Variants in TTC6 observed in about 807,000 individuals in gnomAD.
The protein encoded by TTC6 is tetratricopeptide repeat domain 6.
Under a neutral mutation model 210.4 loss-of-function variants are expected in TTC6, and 172 were observed. The observed-to-expected ratio is 0.82, with a 90% CI of 0.72 to 0.93. The LOEUF (loss-of-function observed/expected upper bound fraction) is 0.93. Ranked by LOEUF, TTC6 falls within the 40% of genes least tolerant of loss-of-function variation. TTC6 has a pLI of 0.00. For missense variants in TTC6, 2,414 were observed against 2,318.1 expected, an observed-to-expected ratio of 1.04 and a Z score of -0.85; for synonymous variants, 804 against 819.6, an observed-to-expected ratio of 0.98 and a Z score of 0.32.
At chr14:37,733,384 A>G (rs1024740869) in intron 7 of TTC6, among the ~76,000 whole-genome samples, 5 of 152,074 alleles carry the variant, frequency 3.3e-5, no homozygotes, top group Non-Finnish European at 5.9e-5. Flanking sequence ...TGTATCCTAT[A>G]GAATTTGTTT....
At chr14:37,756,471 A>G (rs2139070084) in intron 14 of TTC6, among the ~76,000 whole-genome samples, 1 of 152,304 alleles carries the variant, frequency 6.6e-6, no homozygotes, top group South Asian at 2.1e-4. Flanking sequence ...TCTGTGTGAT[A>G]TATATTATGG....
intron 14 of TTC6, among the ~76,000 whole-genome samples, chr14:37,760,989 T>C (rs2095982663): frequency 6.6e-6 from 1 of 152,144 alleles, no homozygotes; most frequent in Non-Finnish European, 1.5e-5. Flanking sequence ...ACAACTTGGC[T>C]CCCTGGCTTC....
intron 20 of TTC6, among the ~76,000 whole-genome samples, chr14:37,799,959 T>C (rs1033453279): frequency 6.6e-6 from 1 of 152,146 alleles, no homozygotes; most frequent in Non-Finnish European, 1.5e-5. Flanking sequence ...AACTATCTCC[T>C]GTGAGATAAG....
chr14:37,813,553 G>T (rs557151725), intron 25 of TTC6, among the ~76,000 whole-genome samples: 1 of 152,116 alleles, frequency 6.6e-6, no homozygotes, highest in Non-Finnish European at 1.5e-5. Flanking sequence ...CTACACACCG[G>T]GTCCTCAACA....
rs140163340 is a variant in TTC6 at position 37,692,767 on chromosome 14, G to A, written c.1258-3950G>A. Among the ~76,000 whole-genome samples the A allele has an allele frequency of 2.7e-3, 411 of 152,020 alleles. 2 individuals carry two copies. Among genetic ancestry groups the A allele is most frequent in the African/African-American group, 9.3e-3 (386 of 41,456 alleles). ...CCAGCTACTTGGGAGGCTGAGGCTGGAGAATTGCTTGAACCTGGGAGGCAG... is the reference window on the plus strand; with the variant it reads ...CCAGCTACTTGGGAGGCTGAGGCTGAAGAATTGCTTGAACCTGGGAGGCAG... On this transcript the variant is annotated intron_variant, in intron 3 of 30. Coordinates refer to ENST00000553443, the Ensembl canonical transcript of TTC6.
intron 7 of TTC6, 26 bp downstream of exon 9, chr14:37,725,028 A>G (rs2095868894): frequency 8.1e-7 from 1 of 1,241,100 alleles, no homozygotes; most frequent in Non-Finnish European, 1.1e-6. Flanking sequence ...GGTTTTCTCT[A>G]TTATTGTTGT....
intron 5 of TTC6, among the ~76,000 whole-genome samples, chr14:37,704,331 A>G (rs1205534779): frequency 6.6e-6 from 1 of 152,168 alleles, no homozygotes; most frequent in Admixed American, 6.6e-5. Flanking sequence ...ATAGGATTAC[A>G]GATGTGATCC....
chr14:37,601,926 G>C (rs1282940675), intron 1 of TTC6, among the ~76,000 whole-genome samples: 1 of 152,200 alleles, frequency 6.6e-6, no homozygotes, highest in Non-Finnish European at 1.5e-5. Flanking sequence ...TTTTCTGTCA[G>C]GCAACACTTT....
At chr14:37,787,175 A>G (rs1049333406) in intron 14 of TTC6, among the ~76,000 whole-genome samples, 5 of 152,230 alleles carry the variant, frequency 3.3e-5, no homozygotes, top group African/African-American at 1.2e-4. Context: ...TAAATGTCAT[A>G]CTTATTTTAT....
intron 3 of TTC6, among the ~76,000 whole-genome samples, chr14:37,688,640 T>C (rs891927306): frequency 6.6e-6 from 1 of 151,938 alleles, no homozygotes; most frequent in Non-Finnish European, 1.5e-5. Context: ...TAGGACAAAG[T>C]AAAGAAGAGA....
Position 37,693,816 on chromosome 14 carries a change from A to G in TTC6, c.1258-2901A>G, listed in dbSNP as rs117139464. 2.0e-3 allele frequency among the ~76,000 whole-genome samples: 302 copies of G among 152,260 alleles called. 11 individuals carry two copies. In the East Asian group the frequency reaches 0.045, roughly 23 times the overall value. On this transcript the variant is annotated intron_variant, in intron 3 of 30. Coordinates refer to ENST00000553443, the Ensembl canonical transcript of TTC6. ...CTCATTTTCAACAAAGGTGTCAAGA[A>G]CATATGCTGGGGAAAAGGGAGCCTC...
At chr14:37,671,948 G>A (rs1196103510) in intron 1 of TTC6, among the ~76,000 whole-genome samples, 2 of 152,102 alleles carry the variant, frequency 1.3e-5, no homozygotes, top group African/African-American at 2.4e-5. Context: ...CACCATGATT[G>A]TAAGTTTCCT....
At chr14:37,646,027 G>A (rs1041529054) in intron 1 of TTC6, among the ~76,000 whole-genome samples, 24 of 152,178 alleles carry the variant, frequency 1.6e-4, no homozygotes, top group Non-Finnish European at 2.9e-5. Flanking sequence ...GAAGTTGCTA[G>A]CTGCTTTTAT....
chr14:37,602,964 C>G (rs576268374), intron 1 of TTC6, among the ~76,000 whole-genome samples: 4 of 152,272 alleles, frequency 2.6e-5, no homozygotes, highest in African/African-American at 9.6e-5. Context: ...ATGAACCTCT[C>G]CCTACACCCC....
chr14:37,617,680 T>G (rs1459278510), upstream of TTC6, among the ~76,000 whole-genome samples: 1 of 152,196 alleles, frequency 6.6e-6, no homozygotes, highest in Non-Finnish European at 1.5e-5. Context: ...ATCTCATTTC[T>G]CCCACTGATA....
intron 10 of TTC6, among the ~76,000 whole-genome samples, chr14:37,743,078 T>G (rs1043762527): frequency 6.6e-6 from 1 of 152,256 alleles, no homozygotes; most frequent in Non-Finnish European, 1.5e-5. Context: ...ATTAACTGTA[T>G]GTATACATAT....
chr14:37,839,730 T>C (rs909666319), intron 29 of TTC6, among the ~76,000 whole-genome samples: 3 of 152,214 alleles, frequency 2.0e-5, no homozygotes, highest in African/African-American at 7.2e-5. Flanking sequence ...CCCATGCCTA[T>C]GTCCTGTATG....
chr14:37,600,147 G>T (rs1594989400), intron 1 of TTC6, among the ~76,000 whole-genome samples: 6 of 152,202 alleles, frequency 3.9e-5, no homozygotes, highest in Admixed American at 3.9e-4. Context: ...ACACCTCTTA[G>T]GTATCCGTTA....
At chr14:37,819,167 A>G (rs1338954085) in intron 26 of TTC6, among the ~76,000 whole-genome samples, 1 of 152,012 alleles carries the variant, frequency 6.6e-6, no homozygotes, top group Non-Finnish European at 1.5e-5. Flanking sequence ...ACCTCTGAAA[A>G]CTCAGAGTCC....
Sources: gnomAD v4.1 joint callset for allele counts (sites outside exome capture counted in the v4.1 genomes callset) on GRCh38, gnomAD v4.1.1 for gene constraint, MANE v1.5 for transcripts, NCBI Gene and HGNC (gene_info 2026-07-23, HGNC 2026-07-21) for gene names.